Variants in PLEKHG5 observed in about 807,000 individuals in gnomAD.
PLEKHG5 encodes the protein pleckstrin homology and RhoGEF domain containing G5.
In PLEKHG5, 52 loss-of-function variants were observed where a neutral mutation model predicts 103.8. The observed-to-expected ratio is 0.50, with a 90% CI of 0.40 to 0.63. The LOEUF (loss-of-function observed/expected upper bound fraction) is 0.63. Among genes scored for constraint, PLEKHG5 ranks in the 30% least tolerant of loss-of-function variants. The pLI is 0.00. For synonymous variants in PLEKHG5, 592 were observed against 575.5 expected, an observed-to-expected ratio of 1.03 and a Z score of -0.41; for missense variants, 1,205 against 1,347.6, an observed-to-expected ratio of 0.89 and a Z score of 1.66.
chr1:6,477,201 A>G (rs1479533008), intron 2 of PLEKHG5, among the ~76,000 whole-genome samples: 1 of 152,196 alleles, frequency 6.6e-6, no homozygotes, highest in Non-Finnish European at 1.5e-5. Flanking sequence ...GGACTTGTCC[A>G]GAAGTCCCCT....
At chr1:6,477,449 C>T in intron 2 of PLEKHG5, 80 bp downstream of exon 2, 1 of 1,415,924 alleles carries the variant, frequency 7.1e-7, no homozygotes, top group Non-Finnish European at 9.9e-7. Flanking sequence ...CCTTATGACG[C>T]CCTAGCACGT....
chr1:6,497,334 C>G (rs1645242175), upstream of PLEKHG5: 1 of 1,002,340 alleles, frequency 1.0e-6, no homozygotes, highest in African/African-American at 1.7e-5. The surrounding 1 kb of genome is among the most constrained non-coding windows in gnomAD (Gnocchi z 6.1). Flanking sequence ...GGAGCAGGCC[C>G]CGTGCCGCGC....
upstream of PLEKHG5, chr1:6,497,413 G>C (rs1645244385): frequency 7.1e-6 from 7 of 979,996 alleles, no homozygotes; most frequent in South Asian, 2.9e-4. This position sits in a 1 kb window ranked among gnomAD's most constrained non-coding sequence, Gnocchi z 6.1. Context: ...CGCCGCCGCC[G>C]GACCCTCGCA....
At chr1:6,474,895 C>T (rs1310723579) in intron 5 of PLEKHG5, 152 bp downstream of exon 5, 3 of 751,892 alleles carry the variant, frequency 4.0e-6, no homozygotes, top group Non-Finnish European at 4.9e-6. Context: ...CACTGGCGTG[C>T]ACACCAGCAC....
intron 1 of PLEKHG5, among the ~76,000 whole-genome samples, chr1:6,483,123 T>C (rs1644943137): frequency 6.6e-6 from 1 of 152,234 alleles, no homozygotes; most frequent in Non-Finnish European, 1.5e-5. Flanking sequence ...CTCAGTTTGA[T>C]GCAAGCCCTG....
chr1:6,494,278 C>T (rs1489418484), upstream of PLEKHG5, among the ~76,000 whole-genome samples: 1 of 151,578 alleles, frequency 6.6e-6, no homozygotes, highest in East Asian at 1.9e-4. Flanking sequence ...TTACAGGCAC[C>T]CACCACCATG....
intron 1 of PLEKHG5, among the ~76,000 whole-genome samples, chr1:6,516,981 C>T (rs1345653837): frequency 4.7e-5 from 7 of 150,404 alleles, no homozygotes; most frequent in African/African-American, 1.7e-4. Flanking sequence ...GGCAAGGTGG[C>T]TCACACCTAT....
intron 1 of PLEKHG5, among the ~76,000 whole-genome samples, chr1:6,511,840 G>C (rs1048163642): frequency 6.6e-5 from 10 of 152,212 alleles, no homozygotes; most frequent in Non-Finnish European, 1.0e-4. Context: ...ATAGAGGAAG[G>C]GGGAGAGGGT....
upstream of PLEKHG5, among the ~76,000 whole-genome samples, chr1:6,501,208 A>G (rs1241558169): frequency 6.6e-6 from 1 of 151,348 alleles, no homozygotes; most frequent in Non-Finnish European, 1.5e-5. The surrounding 1 kb of genome is among the most constrained non-coding windows in gnomAD (Gnocchi z 4.3). Context: ...AGTCCACGCC[A>G]CTCCGTCGCC....
At chr1:6,516,543 G>A (rs1400355500) in intron 1 of PLEKHG5, among the ~76,000 whole-genome samples, 1 of 151,866 alleles carries the variant, frequency 6.6e-6, no homozygotes, top group Non-Finnish European at 1.5e-5. Flanking sequence ...TGTAATCCCA[G>A]CTACTGGGGA....
intron 1 of PLEKHG5, among the ~76,000 whole-genome samples, chr1:6,477,946 T>C (rs1229742741): frequency 6.6e-6 from 1 of 152,216 alleles, no homozygotes; most frequent in African/African-American, 2.4e-5. Context: ...AATGGCTTGA[T>C]CTCGGCTCAC....
At chr1:6,515,652 T>C (rs1056830219) in intron 1 of PLEKHG5, among the ~76,000 whole-genome samples, 1 of 151,554 alleles carries the variant, frequency 6.6e-6, no homozygotes, top group South Asian at 2.1e-4. Context: ...AGAGCAAGAC[T>C]CTGTCTCAGC....
chr1:6,519,543 G>A (rs367977512), exon 1 of PLEKHG5: 9 of 1,574,256 alleles, frequency 5.7e-6, no homozygotes, highest in Non-Finnish European at 7.9e-6. Flanking sequence ...CACCCTGCCT[G>A]GACCTCCAGC....
At chr1:6,470,908 G>GGC in intron 13 of PLEKHG5, 24 bp from the exon 14 acceptor site, 1 of 1,553,328 alleles carries the variant, frequency 6.4e-7, no homozygotes, top group Non-Finnish European at 8.7e-7. Context: ...GTGGGGGCGG[G>GGC]CTCAGGGCAG....
At chr1:6,484,454 C>T (rs963021098) in intron 1 of PLEKHG5, among the ~76,000 whole-genome samples, 8 of 152,206 alleles carry the variant, frequency 5.3e-5, no homozygotes, top group Admixed American at 3.9e-4. Context: ...CCGACTTCGT[C>T]GAGCAGATCT....
chr1:6,471,642 G>A lies in PLEKHG5; in HGVS notation c.1132-5C>T. On this transcript the variant is annotated splice_region_variant and splice_polypyrimidine_tract_variant and intron_variant, in intron 11 of 20. Coordinates refer to ENST00000377728, the MANE Select transcript of PLEKHG5 (RefSeq NM_020631.6). Reference sequence around the variant, plus strand: ...GAACAGGCGCTCCGCCTCCACCTGGGCGCGGCGGGAGGTGCGGTTGGCCAC... The same window carrying A: ...GAACAGGCGCTCCGCCTCCACCTGGACGCGGCGGGAGGTGCGGTTGGCCAC... 1 of 1,576,172 alleles carries A rather than the reference G, an allele frequency of 6.3e-7. No homozygotes were observed.
chr1:6,485,406 G>C, intron 1 of PLEKHG5: 2 of 1,355,746 alleles, frequency 1.5e-6, no homozygotes, highest in South Asian at 3.6e-5. Flanking sequence ...CGGCCTGGAG[G>C]CTGCTAGGCG....
chr1:6,475,267 A>AACCCTCCTCCCC, intron 4 of PLEKHG5, 129 bp from the exon 5 acceptor site: 1 of 480,342 alleles, frequency 2.1e-6, no homozygotes, highest in East Asian at 4.2e-5. Flanking sequence ...CCTCCTTCCC[A>AACCCTCCTCCCC]ACCCTCCTCC....
Position 6,471,032 on chromosome 1 carries a change from G to A in PLEKHG5, c.1350C>T (p.Arg450=), listed in dbSNP as rs1051367662. ...AGAGGTCGTTGTCGCGCAGCAGGCC[G>A]CGCATGTACTCCATGCAGCCCTCCT... ...MEEEGCMEYM[R]GLLRDNDLFR... The change falls in exon 13 of 21, where the codon CGC becomes CGT. Residue 450 remains arginine (R), a synonymous_variant. Coordinates refer to ENST00000377728, the MANE Select transcript of PLEKHG5 (RefSeq NM_020631.6). The A allele has an allele frequency of 1.2e-6, 2 of 1,606,268 alleles. No individual in the cohort carries two copies. Among genetic ancestry groups the A allele is most frequent in the South Asian group, 1.1e-5 (1 of 89,952 alleles).
Sources: gnomAD v4.1 joint callset for allele counts (sites outside exome capture counted in the v4.1 genomes callset) on GRCh38, gnomAD v4.1.1 for gene constraint, Gnocchi (gnomAD v3.1) non-coding constraint, MANE v1.5 for transcripts, NCBI Gene and HGNC (gene_info 2026-07-23, HGNC 2026-07-21) for gene names.